CUX1: variants seen among roughly 807,000 people sequenced by gnomAD.
CUX1 encodes the protein cut like homeobox 1, also known as protein CASP.
In CUX1, 31 loss-of-function variants were observed where a neutral mutation model predicts 158.8. The observed-to-expected ratio is 0.20, with a 90% CI of 0.15 to 0.26. CUX1 has a LOEUF of 0.26. Ranked by LOEUF, CUX1 falls within the 10% of genes least tolerant of loss-of-function variation. CUX1 has a pLI of 1.00. For synonymous variants in CUX1, 879 were observed against 862.1 expected (o/e 1.02, Z -0.34); for missense variants, 1,589 against 2,014.6 (o/e 0.79, Z 4.04).
chr7:102,114,398 C>T (rs557345621), intron 7 of CUX1, among the ~76,000 whole-genome samples: 1 of 152,312 alleles, frequency 6.6e-6, no homozygotes, highest in South Asian at 2.1e-4. Context: ...GCCTTATCCT[C>T]CCAAGTAGCC....
intron 2 of CUX1, among the ~76,000 whole-genome samples, chr7:102,011,170 G>C (rs1383096014): frequency 1.3e-5 from 2 of 152,062 alleles, no homozygotes; most frequent in Non-Finnish European, 2.9e-5. Flanking sequence ...CTTTGTTCGA[G>C]TAAGCCGTCT....
intron 2 of CUX1, among the ~76,000 whole-genome samples, chr7:102,013,676 T>G (rs746964111): frequency 2.6e-5 from 4 of 152,228 alleles, no homozygotes; most frequent in Admixed American, 6.5e-5. Context: ...CTTTCTTGAC[T>G]GATTGACTCA....
At chr7:102,026,346 A>C (rs80091410) in intron 2 of CUX1, among the ~76,000 whole-genome samples, 1 of 152,260 alleles carries the variant, frequency 6.6e-6, no homozygotes, top group East Asian at 1.9e-4. Context: ...AAATTTATTT[A>C]ACTTTAAGTT....
intron 1 of CUX1, among the ~76,000 whole-genome samples, chr7:101,854,048 C>T (rs1796547944): frequency 6.6e-6 from 1 of 152,216 alleles, no homozygotes; most frequent in Non-Finnish European, 1.5e-5. Flanking sequence ...CAGCGCTTTC[C>T]AGCTTCTGAG....
intron 21 of CUX1, 117 bp from the exon 22 acceptor site, chr7:102,233,935 C>A: frequency 1.4e-6 from 1 of 712,272 alleles, no homozygotes; most frequent in Non-Finnish European, 2.1e-6. Flanking sequence ...AGGATGTCAC[C>A]AGCCCAACCC....
intron 1 of CUX1, among the ~76,000 whole-genome samples, chr7:101,905,143 G>A (rs1309556366): frequency 3.9e-5 from 6 of 152,116 alleles, no homozygotes; most frequent in East Asian, 1.9e-4. Flanking sequence ...TCTCTCCCTC[G>A]TTTTGTAGTA....
chr7:101,885,256 G>A (rs1030440390), intron 1 of CUX1, among the ~76,000 whole-genome samples: 1 of 152,164 alleles, frequency 6.6e-6, no homozygotes, highest in African/African-American at 2.4e-5. Context: ...CTGGCCAGGA[G>A]GGGAATGAAC....
intron 8 of CUX1, among the ~76,000 whole-genome samples, chr7:102,118,359 A>G: frequency 6.6e-6 from 1 of 152,142 alleles, no homozygotes; most frequent in Middle Eastern, 3.2e-3. Context: ...GCAACATGGC[A>G]AAAGCCTGTC....
At chr7:101,879,313 T>C (rs973601524) in intron 1 of CUX1, among the ~76,000 whole-genome samples, 25 of 151,712 alleles carry the variant, frequency 1.6e-4, no homozygotes, top group African/African-American at 6.1e-4. Flanking sequence ...AGCTTTAACA[T>C]GAAAGTCTTT....
Position 101,969,554 on chromosome 7 carries a change from G to C in CUX1, c.141+53329G>C, listed in dbSNP as rs1811677706. Among the ~76,000 whole-genome samples the C allele has an allele frequency of 2.0e-5, 3 of 152,110 alleles. 1 individual carries two copies. The highest frequency in any genetic ancestry group is 2.0e-4 in the Admixed American group (3 of 15,260). Reference sequence around the variant, plus strand: ...AAGATTCTGATGTGAAGTCAGCCCTGCACTTTCAGCCTTTCCAGCGTGCAG... The same window carrying C: ...AAGATTCTGATGTGAAGTCAGCCCTCCACTTTCAGCCTTTCCAGCGTGCAG... On this transcript the variant is annotated intron_variant, in intron 2 of 23. Transcript: ENST00000292535.
intron 4 of CUX1, among the ~76,000 whole-genome samples, chr7:102,092,912 CAAA>C (rs60587564): frequency 0.017 from 1,257 of 74,860 alleles, 30 homozygotes; most frequent in African/African-American, 0.053. Flanking sequence ...GACTCCGTCT[CAAA>C]AAAAAAAAAA....
chr7:102,239,607 A>G (rs1354694009), intron 23 of CUX1, 23 bp downstream of exon 23: 1 of 1,601,732 alleles, frequency 6.2e-7, no homozygotes, highest in Admixed American at 1.7e-5. Flanking sequence ...GCTCACAGGG[A>G]GCGCCGGTCG....
At position 102,195,557 on chromosome 7, in the gene CUX1, G is replaced by A. The variant is rs1794716505; in HGVS notation, c.1176G>A (p.Leu392=). The part of the protein sequence containing the change: ...EVLLLEKNRS[L]QSENAALRIS... Reference sequence around the variant, plus strand: ...TGTTGCTGGAGAAGAACCGCTCGCTGCAGTCCGAGAACGCCGCGCTGCGCA... The same window carrying A: ...TGTTGCTGGAGAAGAACCGCTCGCTACAGTCCGAGAACGCCGCGCTGCGCA... Residue 392 remains leucine, a synonymous_variant, in exon 14 of 24, where the codon CTG becomes CTA. Coordinates refer to ENST00000292535, the MANE Select transcript of CUX1 (RefSeq NM_181552.4). 6.2e-7 allele frequency: 1 copy of A among 1,612,954 alleles called. No homozygotes were observed. The highest frequency in any genetic ancestry group is 8.5e-7 in the Non-Finnish European group (1 of 1,179,880).
Position 101,862,716 on chromosome 7 carries a change from C to T in CUX1, c.30+45047C>T, listed in dbSNP as rs116133999. On this transcript the variant is annotated intron_variant, in intron 1 of 23. Transcript: ENST00000292535. ...CCTGAACACGTTTCATCATCAGGCT[C>T]GTTGTGGAGACCACGGTGTCCCTTT... Among the ~76,000 whole-genome samples, 1,115 of 152,182 alleles carry T rather than the reference C, an allele frequency of 7.3e-3. 14 individuals carry two copies. Among genetic ancestry groups the T allele is most frequent in the African/African-American group, 0.026 (1,076 of 41,516 alleles).
chr7:101,912,345 C>T (rs1006399911), intron 1 of CUX1, among the ~76,000 whole-genome samples: 1 of 151,958 alleles, frequency 6.6e-6, no homozygotes, highest in African/African-American at 2.4e-5. Context: ...ACTCGCCTCA[C>T]TTCTTGCATC....
chr7:101,865,156 C>G (rs1293224626), intron 1 of CUX1, among the ~76,000 whole-genome samples: 1 of 152,158 alleles, frequency 6.6e-6, no homozygotes, highest in Non-Finnish European at 1.5e-5. Flanking sequence ...TTCCCCCTGC[C>G]GTGGCTGCCC....
intron 1 of CUX1, among the ~76,000 whole-genome samples, chr7:101,841,453 C>CT (rs112418814): frequency 0.18 from 26,945 of 151,266 alleles, 2,548 homozygotes; most frequent in African/African-American, 0.23. Flanking sequence ...TTAATCTTGC[C>CT]TTTTTTTTAT....
rs181641318 is a variant in CUX1, at chr7:101,979,499, A to G, written c.142-48599A>G. On this transcript the variant is annotated intron_variant, in intron 2 of 23. Coordinates refer to ENST00000292535, the MANE Select transcript of CUX1 (RefSeq NM_181552.4). Reference sequence around the variant, plus strand: ...TATAAATCAAACGTTGGGTTGATTTATCTTTTATCACTTCTAGGGACTTAC... The same window carrying G: ...TATAAATCAAACGTTGGGTTGATTTGTCTTTTATCACTTCTAGGGACTTAC... 2.2e-4 allele frequency among the ~76,000 whole-genome samples: 34 copies of G among 152,350 alleles called. 1 individual carries two copies. Among genetic ancestry groups the G allele is most frequent in the African/African-American group, 7.7e-4 (32 of 41,590 alleles).
intron 8 of CUX1, among the ~76,000 whole-genome samples, chr7:102,130,900 G>A (rs1470410560): frequency 6.6e-6 from 1 of 151,278 alleles, no homozygotes; most frequent in Non-Finnish European, 1.5e-5. Flanking sequence ...TGTAATCCCA[G>A]CACTTTGGGA....
Sources: allele counts gnomAD v4.1 joint callset (sites outside exome capture counted in the v4.1 genomes callset), GRCh38; gene constraint gnomAD v4.1.1; transcripts MANE v1.5; gene names NCBI Gene and HGNC (gene_info 2026-07-23, HGNC 2026-07-21).